Variants in NFYA observed in about 807,000 individuals in gnomAD.
The protein encoded by NFYA is nuclear transcription factor Y subunit alpha.
In NFYA, 28 loss-of-function variants were observed where a neutral mutation model predicts 52.8. The observed-to-expected ratio is 0.53, with a 90% CI of 0.39 to 0.73. The LOEUF (loss-of-function observed/expected upper bound fraction) is 0.73. Ranked by LOEUF, NFYA falls within the 30% of genes least tolerant of loss-of-function variation. The pLI, the probability that NFYA is intolerant of heterozygous loss-of-function variation, is 0.00. For synonymous variants in NFYA, 150 were observed against 150.7 expected, an observed-to-expected ratio of 1.00 and a Z score of 0.03; for missense variants, 234 against 427.0, an observed-to-expected ratio of 0.55 and a Z score of 3.98.
chr6:41,092,688 T>C (rs886292297), intron 7 of NFYA, among the ~76,000 whole-genome samples: 2 of 152,184 alleles, frequency 1.3e-5, no homozygotes, highest in Non-Finnish European at 2.9e-5. Context: ...TTATATAGTT[T>C]CTCAGAGTGG....
At chr6:41,084,819 G>A (rs530731674) in intron 4 of NFYA, among the ~76,000 whole-genome samples, 14 of 152,178 alleles carry the variant, frequency 9.2e-5, no homozygotes, top group Admixed American at 2.0e-4. Context: ...AAAATTAGCC[G>A]GGCGTGGTGG....
chr6:41,090,371 C>A, intron 6 of NFYA, 62 bp downstream of exon 6: 1 of 978,256 alleles, frequency 1.0e-6, no homozygotes, highest in Non-Finnish European at 1.6e-6. Flanking sequence ...CCTTAGACAA[C>A]TGACATCTTT....
At chr6:41,081,565 G>C (rs1240183973) in intron 3 of NFYA, among the ~76,000 whole-genome samples, 1 of 151,892 alleles carries the variant, frequency 6.6e-6, no homozygotes, top group Non-Finnish European at 1.5e-5. Context: ...TTGTGTATTT[G>C]TGTTACAATG....
chr6:41,084,302 A>G, intron 4 of NFYA, 110 bp downstream of exon 4: 2 of 1,269,810 alleles, frequency 1.6e-6, no homozygotes, highest in Non-Finnish European at 2.1e-6. Context: ...TTCCTAACCC[A>G]CATTTTGCAT....
At chr6:41,087,455 A>G (rs925668658) in intron 4 of NFYA, among the ~76,000 whole-genome samples, 5 of 152,192 alleles carry the variant, frequency 3.3e-5, no homozygotes, top group East Asian at 1.9e-4. Context: ...GGTGGTCCCA[A>G]GTTGAAATTA....
At chr6:41,075,709 A>AG in intron 1 of NFYA, 1 of 144,298 alleles carries the variant, frequency 6.9e-6, no homozygotes, top group Middle Eastern at 3.5e-3. Flanking sequence ...CTGATAGCAA[A>AG]GAAAAAAAAA....
intron 6 of NFYA, among the ~76,000 whole-genome samples, chr6:41,090,879 A>C (rs529686421): frequency 6.6e-6 from 1 of 152,356 alleles, no homozygotes; most frequent in Non-Finnish European, 1.5e-5. Context: ...TTTTGGAAGC[A>C]CCTGTTAGTC....
chr6:41,086,258 G>A (rs2113804718), intron 4 of NFYA, among the ~76,000 whole-genome samples: 1 of 152,236 alleles, frequency 6.6e-6, no homozygotes, highest in Middle Eastern at 3.4e-3. Context: ...TCTTGGCCAA[G>A]TTATTTAATT....
chr6:41,089,551 A>C (rs766375625), intron 4 of NFYA, 28 bp from the exon 5 acceptor site: 13 of 1,588,358 alleles, frequency 8.2e-6, no homozygotes, highest in Non-Finnish European at 9.4e-6. Flanking sequence ...AGTAGAGTAC[A>C]ATCCTTTTTT....
rs1271507296 is a variant in NFYA, at chr6:41,102,350, TC to T, written c.*4942del. ...AAAGGGGGGGCAGGAGGAGCTAATTTCCTTTGCACATTTGTATTTTATTTCA... is the reference window on the plus strand; with the variant it reads ...AAAGGGGGGGCAGGAGGAGCTAATTTCTTTGCACATTTGTATTTTATTTCA... On this transcript the variant is annotated 3_prime_UTR_variant, in exon 10 of 10. Coordinates refer to ENST00000341376, the MANE Select transcript of NFYA (RefSeq NM_002505.5). 6.6e-6 allele frequency among the ~76,000 whole-genome samples: 1 copy of T among 152,240 alleles called. No homozygotes were observed. The highest frequency in any genetic ancestry group is 1.5e-5 in the Non-Finnish European group (1 of 68,044).
chr6:41,077,780 T>C (rs775508143), intron 1 of NFYA, among the ~76,000 whole-genome samples: 4 of 152,160 alleles, frequency 2.6e-5, no homozygotes, highest in Non-Finnish European at 2.9e-5. Context: ...AGCTAGAAAT[T>C]TACCTAGCGA....
In NFYA at chr6:41,088,269, A is replaced by T. The variant is rs1210904641; in HGVS notation, c.310-1310A>T. ...CCGTCTCTACTAAAAAGACAAAAAA[A>T]AAATTAAGCCAGGCGTGATGGCGGA... On this transcript the variant is annotated intron_variant, in intron 4 of 9. Transcript: ENST00000341376. Among the ~76,000 whole-genome samples, 9 of 151,764 alleles carry T rather than the reference A, an allele frequency of 5.9e-5. No homozygotes were observed. In the South Asian group the frequency reaches 1.9e-3, roughly 32 times the overall value.
At chr6:41,095,229 A>G (rs1160134639) in intron 9 of NFYA, among the ~76,000 whole-genome samples, 1 of 152,154 alleles carries the variant, frequency 6.6e-6, no homozygotes, top group African/African-American at 2.4e-5. Flanking sequence ...ATGCCCAGCA[A>G]AGCCTTACAT....
intron 3 of NFYA, 46 bp downstream of exon 3, chr6:41,080,943 T>C: frequency 1.4e-6 from 2 of 1,442,588 alleles, no homozygotes; most frequent in Non-Finnish European, 2.0e-6. Context: ...GAACTTCTCC[T>C]CTCCTCATGT....
Position 41,097,413 on chromosome 6 carries a change from C to T in NFYA, c.*3C>T. Reference sequence around the variant, plus strand: ...CACAGATCATCCGAGTGTCCTAACCCCACGCCATGTGATGGAGCTGATCAA... The same window carrying T: ...CACAGATCATCCGAGTGTCCTAACCTCACGCCATGTGATGGAGCTGATCAA... On this transcript the variant is annotated 3_prime_UTR_variant, in exon 10 of 10. Coordinates refer to ENST00000341376, the MANE Select transcript of NFYA (RefSeq NM_002505.5). The T allele has an allele frequency of 2.5e-6, 4 of 1,613,840 alleles. No homozygotes were observed. Among genetic ancestry groups the T allele is most frequent in the Non-Finnish European group, 3.4e-6 (4 of 1,179,828 alleles).
In NFYA at chr6:41,098,376, G is replaced by C. The variant is rs577276567; in HGVS notation, c.*966G>C. The C allele has an allele frequency of 6.6e-6, 1 of 152,240 alleles. No individual in the cohort carries two copies. Among genetic ancestry groups the C allele is most frequent in the Non-Finnish European group, 1.5e-5 (1 of 68,070 alleles). The allele number at this position is 152,240 out of a possible 1,614,324, so 9.4% of individuals were successfully genotyped here. ...GTGTTTCAGCCTAGTGGGAGAGAGT[G>C]GGGGAGAGGAAGAGAGAGAGAGAGC... On this transcript the variant is annotated 3_prime_UTR_variant, in exon 10 of 10. Transcript: ENST00000341376.
rs779732285 is a variant in NFYA at position 41,080,832 on chromosome 6, G to T, written c.97G>T (p.Val33Leu). The T allele has an allele frequency of 1.5e-5, 24 of 1,613,786 alleles. No homozygotes were observed. The South Asian group carries it at 2.6e-4, about 18-fold the overall frequency. The change falls in exon 3 of 10, where the codon GTG becomes TTG. Residue 33 changes from valine to leucine, a missense_variant. Around this residue, in one of 3 missense-constraint regions of NFYA, gnomAD observed 118 missense variants for 182.4 expected, o/e 0.65. Coordinates refer to ENST00000341376, the MANE Select transcript of NFYA (RefSeq NM_002505.5). ...TCAGCAGCAGGGTGGTGTCACTGCTGTGCAGTTGCAGACTGAGGCCCAGGT... is the reference window on the plus strand; with the variant it reads ...TCAGCAGCAGGGTGGTGTCACTGCTTTGCAGTTGCAGACTGAGGCCCAGGT... Reference protein sequence around the residue: ...QQQQQGGVTAVQLQTEAQVAS... With the variant: ...QQQQQGGVTALQLQTEAQVAS...
At chr6:41,080,714 C>T (rs1379216584) in intron 2 of NFYA, 97 bp from the exon 3 acceptor site, 4 of 976,864 alleles carry the variant, frequency 4.1e-6, no homozygotes, top group Admixed American at 1.8e-5. Context: ...GTCCTTCAGG[C>T]TTCCGTCTCT....
Position 41,101,935 on chromosome 6 carries a change from C to T in NFYA, c.*4525C>T, listed in dbSNP as rs1406909240. The T allele has an allele frequency of 6.6e-6, 1 of 152,228 alleles. No individual in the cohort carries two copies. The highest frequency in any genetic ancestry group is 2.4e-5 in the African/African-American group (1 of 41,436). 9.4% of individuals were successfully genotyped at this position (152,228 alleles called of 1,614,324 possible). A position where few individuals can be genotyped will look rare whatever the true frequency, so the allele number is the denominator to read the frequency against. On this transcript the variant is annotated 3_prime_UTR_variant, in exon 10 of 10. Transcript: ENST00000341376. The stretch of plus-strand genomic sequence containing the variant: ...AGGGATCTGTTTCCTTTACACTGGC[C>T]TGATGTGTGGGGAGAAAGGGGCCAA...
Sources: allele counts gnomAD v4.1 joint callset (sites outside exome capture counted in the v4.1 genomes callset), GRCh38; gene constraint gnomAD v4.1.1; regional missense constraint gnomAD v4.1.1; transcripts MANE v1.5; gene names NCBI Gene and HGNC (gene_info 2026-07-23, HGNC 2026-07-21).